The following NSD1 variants were observed in gnomAD, a reference collection of about 807,000 sequenced individuals.
The protein encoded by NSD1 is histone-lysine N-methyltransferase, H3 lysine-36 specific.
NSD1 carries 26 observed loss-of-function variants against 242.7 expected under a neutral mutation model. The ratio of observed to expected loss-of-function variants is 0.11; its 90% CI spans 0.08 to 0.15. NSD1 has a LOEUF of 0.15. NSD1 is among the 10% of genes least tolerant of loss of function. The pLI, the probability that NSD1 is intolerant of heterozygous loss-of-function variation, is 1.00. For synonymous variants in NSD1, 1,106 were observed against 1,178.1 expected (o/e 0.94, Z 1.25); for missense variants, 2,495 against 3,272.8 (o/e 0.76, Z 5.80).
chr5:177,157,833 G>A (rs1016913528), intron 2 of NSD1, among the ~76,000 whole-genome samples: 2 of 152,122 alleles, frequency 1.3e-5, no homozygotes, highest in Admixed American at 6.6e-5. Flanking sequence ...TATTCTAGGC[G>A]TTTCATACAA....
At chr5:177,233,711 A>G (rs1765234781) in intron 5 of NSD1, among the ~76,000 whole-genome samples, 1 of 152,068 alleles carries the variant, frequency 6.6e-6, no homozygotes, top group Admixed American at 6.6e-5. Context: ...TGGTTTCACA[A>G]ACATTTTATA....
chr5:177,190,458 T>G (rs55646173), intron 2 of NSD1, among the ~76,000 whole-genome samples: 11,918 of 151,654 alleles, frequency 0.079, 985 homozygotes, highest in African/African-American at 0.21. Context: ...TTTTGTATTT[T>G]TTTCTCTTTT....
Position 177,248,291 on chromosome 5 carries a change from T to G in NSD1, c.4608T>G (p.Gly1536=). 6.2e-7 allele frequency: 1 copy of G among 1,613,900 alleles called. No homozygotes were observed. The highest frequency in any genetic ancestry group is 2.2e-5 in the East Asian group (1 of 44,870). The stretch of plus-strand genomic sequence containing the variant: ...CTAAAAAAATGCAGGGTGAACGCGG[T>G]GGAGGAGCTGCACTCAAGGAGAATG... ...PASKKMQGER[G]GGAALKENVC... is the part of the protein sequence containing the mutation. The change falls in exon 11 of 23, where the codon GGT becomes GGG. Residue 1536 remains glycine, a synonymous_variant. Coordinates refer to ENST00000439151, the MANE Select transcript of NSD1 (RefSeq NM_022455.5).
intron 2 of NSD1, among the ~76,000 whole-genome samples, chr5:177,144,450 A>G (rs932174989): frequency 6.6e-6 from 1 of 151,934 alleles, no homozygotes; most frequent in Non-Finnish European, 1.5e-5. Flanking sequence ...TGCTGTTGAC[A>G]GTTTCCATTT....
chr5:177,169,042 C>T (rs1308790648), intron 2 of NSD1, among the ~76,000 whole-genome samples: 2 of 152,176 alleles, frequency 1.3e-5, no homozygotes, highest in Non-Finnish European at 2.9e-5. Context: ...ATGCCGGCTG[C>T]AGGCACTGCA....
At chr5:177,192,749 T>C (rs995676230) in intron 3 of NSD1, among the ~76,000 whole-genome samples, 11 of 152,198 alleles carry the variant, frequency 7.2e-5, no homozygotes, top group African/African-American at 2.4e-4. Context: ...CAGGCTGGTC[T>C]TGAACTCCTG....
intron 16 of NSD1, among the ~76,000 whole-genome samples, chr5:177,272,547 ATCTTAAG>A (rs1758025475): frequency 6.6e-6 from 1 of 152,192 alleles, no homozygotes; most frequent in Admixed American, 6.5e-5. Context: ...CAGAATGAGA[ATCTTAAG>A]ATTTTGTTGG....
Position 177,211,415 on chromosome 5 carries a change from C to T in NSD1, c.3016C>T (p.Pro1006Ser), listed in dbSNP as rs758553569. Reference protein sequence around the residue: ...PGLLSDKRDLPASGKSRSDCV... With the variant: ...PGLLSDKRDLSASGKSRSDCV... ...CTTACTGTCCGACAAGAGAGACCTC[C>T]CTGCTTCTGGTAAAAGTCGTTCAGA... The change falls in exon 5 of 23, where the codon CCT (proline) becomes TCT (serine). Residue 1006 changes from proline to serine, a missense_variant. Pro to Ser is a moderately conservative substitution (Grantham distance 74). Around this residue, in one of 19 missense-constraint regions of NSD1, gnomAD observed 426 missense variants for 411.4 expected, o/e 1.04. Transcript: ENST00000439151. 2 of 1,614,164 alleles carry T rather than the reference C, an allele frequency of 1.2e-6. No homozygotes were observed. The highest frequency in any genetic ancestry group is 2.2e-5 in the East Asian group (1 of 44,892).
chr5:177,144,076 C>A (rs916891399), intron 2 of NSD1, among the ~76,000 whole-genome samples: 7 of 152,170 alleles, frequency 4.6e-5, no homozygotes, highest in African/African-American at 1.7e-4. Flanking sequence ...AGCCATCTCT[C>A]CTGGCCATGA....
rs1165158998 is a variant in NSD1 at position 177,269,496 on chromosome 5, T to C, written c.5304-106T>C. ...AAGAATGCCGTAAGATGGACTTTAA[T>C]GTGGACAGACAGACATTGCTAATCC... On this transcript the variant is annotated intron_variant, in intron 15 of 22. Transcript: ENST00000439151. The surrounding 1 kb of genome is among the most constrained non-coding windows in gnomAD (Gnocchi z 5.1). The C allele has an allele frequency of 1.0e-6, 1 of 967,326 alleles. No individual in the cohort carries two copies. The highest frequency in any genetic ancestry group is 2.5e-5 in the East Asian group (1 of 39,236). 59.9% of individuals were successfully genotyped at this position (967,326 alleles called of 1,614,324 possible).
chr5:177,274,665 T>G (rs950630463), intron 17 of NSD1, among the ~76,000 whole-genome samples: 1 of 151,918 alleles, frequency 6.6e-6, no homozygotes, highest in African/African-American at 2.4e-5. Flanking sequence ...TCTTTTTTGT[T>G]CTTAGAAATG....
At chr5:177,232,304 ATAT>A (rs2149879161) in intron 5 of NSD1, among the ~76,000 whole-genome samples, 1 of 152,364 alleles carries the variant, frequency 6.6e-6, no homozygotes, top group African/African-American at 2.4e-5. Flanking sequence ...CGATTATATA[ATAT>A]TCTGTTGAAA....
chr5:177,257,688 A>G (rs1756602736), intron 13 of NSD1, among the ~76,000 whole-genome samples: 1 of 152,106 alleles, frequency 6.6e-6, no homozygotes, highest in Non-Finnish European at 1.5e-5. Context: ...ATAGAACACA[A>G]TGTGGTCGTG....
intron 21 of NSD1, among the ~76,000 whole-genome samples, chr5:177,291,009 A>G (rs1759770635): frequency 6.6e-6 from 1 of 152,202 alleles, no homozygotes; most frequent in South Asian, 2.1e-4. Context: ...CTTAGTAGAT[A>G]CTGGTCTGTC....
At chr5:177,249,167 T>C (rs1755697941) in intron 11 of NSD1, among the ~76,000 whole-genome samples, 1 of 152,126 alleles carries the variant, frequency 6.6e-6, no homozygotes, top group Non-Finnish European at 1.5e-5. Context: ...ATTCTTAAAA[T>C]TTAGTATATA....
chr5:177,256,674 G>A (rs1272943829), intron 12 of NSD1, among the ~76,000 whole-genome samples: 1 of 152,196 alleles, frequency 6.6e-6, no homozygotes, highest in Non-Finnish European at 1.5e-5. Context: ...GTTAGTCCAG[G>A]GGCTTGATTA....
intron 2 of NSD1, among the ~76,000 whole-genome samples, chr5:177,140,258 T>C (rs1318386841): frequency 6.6e-6 from 1 of 152,220 alleles, no homozygotes; most frequent in Non-Finnish European, 1.5e-5. Flanking sequence ...TTTGTTGTTG[T>C]TGTTGAGACA....
At chr5:177,268,264 G>A (rs1185230463) in intron 15 of NSD1, among the ~76,000 whole-genome samples, 4 of 146,686 alleles carry the variant, frequency 2.7e-5, no homozygotes, top group Admixed American at 1.4e-4. Context: ...ACATGCCACT[G>A]CACCCGGCCA....
chr5:177,183,568 T>G (rs1760868756), intron 2 of NSD1, among the ~76,000 whole-genome samples: 1 of 152,206 alleles, frequency 6.6e-6, no homozygotes, highest in Non-Finnish European at 1.5e-5. Context: ...TATGTAATAA[T>G]TACATTAGGG....
Sources: allele counts gnomAD v4.1 joint callset (sites outside exome capture counted in the v4.1 genomes callset), GRCh38; gene constraint gnomAD v4.1.1; regional missense constraint gnomAD v4.1.1; non-coding constraint Gnocchi (gnomAD v3.1); transcripts MANE v1.5; gene names NCBI Gene and HGNC (gene_info 2026-07-23, HGNC 2026-07-21).